The following DCAF6 variants were observed in gnomAD, a reference collection of about 807,000 sequenced individuals.
DCAF6 encodes the protein DDB1 and CUL4 associated factor 6, also known as DDB1- and CUL4-associated factor 6.
Under a neutral mutation model 125.1 loss-of-function variants are expected in DCAF6, and 54 were observed. The ratio of observed to expected loss-of-function variants is 0.43; its 90% confidence interval spans 0.35 to 0.54. DCAF6 has a LOEUF of 0.54. Ranked by LOEUF, DCAF6 falls within the 20% of genes least tolerant of loss-of-function variation. DCAF6 has a pLI of 0.01. For synonymous variants in DCAF6, 371 were observed against 390.4 expected (o/e 0.95, Z 0.58); for missense variants, 934 against 1,161.7 (o/e 0.80, Z 2.85).
intron 8 of DCAF6, 120 bp from the exon 9 acceptor site, chr1:168,003,750 T>C (rs1376975369): frequency 4.7e-6 from 4 of 842,950 alleles, no homozygotes; most frequent in Admixed American, 2.8e-5. Flanking sequence ...ACAATTTATT[T>C]AGGAAATTTG....
the DCAF6 span, chr1:167,904,535 A>G: frequency 6.0e-6 from 2 of 335,440 alleles, 1 homozygote; most frequent in East Asian, 1.2e-4. Context: ...CTGTACAGTG[A>G]TAACTGCAAC....
chr1:167,996,868 T>C (rs1681790360), intron 7 of DCAF6, among the ~76,000 whole-genome samples: 1 of 152,214 alleles, frequency 6.6e-6, no homozygotes, highest in Non-Finnish European at 1.5e-5. Context: ...TTATGTAACC[T>C]TCTTGGTGAA....
At chr1:167,927,347 A>AT in the DCAF6 span, among the ~76,000 whole-genome samples, 458 of 152,320 alleles carry the variant, frequency 3.0e-3, 3 homozygotes, top group Admixed American at 5.3e-3. Flanking sequence ...CTCTCTGGAA[A>AT]TTTAGGGTGA....
the DCAF6 span, among the ~76,000 whole-genome samples, chr1:167,913,542 A>T: frequency 6.6e-6 from 1 of 152,118 alleles, no homozygotes; most frequent in East Asian, 1.9e-4. Context: ...TTCCCATACA[A>T]ATATCCTTGA....
At chr1:167,943,693 G>A (rs890804273) in intron 1 of DCAF6, among the ~76,000 whole-genome samples, 1 of 151,984 alleles carries the variant, frequency 6.6e-6, no homozygotes, top group African/African-American at 2.4e-5. Context: ...ACTCCATTAT[G>A]TATCATTCCA....
intron 1 of DCAF6, among the ~76,000 whole-genome samples, chr1:167,947,859 T>C (rs1276822777): frequency 6.6e-6 from 1 of 152,212 alleles, no homozygotes; most frequent in Non-Finnish European, 1.5e-5. Flanking sequence ...TTGGATAGAA[T>C]GTTTTGTAAA....
At chr1:167,875,020 T>C in the DCAF6 span, 23 of 928,154 alleles carry the variant, frequency 2.5e-5, no homozygotes, top group Non-Finnish European at 3.7e-5. Context: ...ATGATGATTA[T>C]ATTTTCATTT....
intron 17 of DCAF6, chr1:168,056,545 A>C: frequency 2.4e-6 from 1 of 424,626 alleles, no homozygotes; most frequent in Non-Finnish European, 3.7e-6. Context: ...TTTTGAATGG[A>C]ATAATTTAAT....
intron 16 of DCAF6, among the ~76,000 whole-genome samples, chr1:168,047,152 G>A (rs1235342532): frequency 1.3e-5 from 2 of 151,896 alleles, no homozygotes; most frequent in Non-Finnish European, 2.9e-5. Flanking sequence ...GGGAGGGTGG[G>A]TCCTAGAGAA....
upstream of DCAF6, among the ~76,000 whole-genome samples, chr1:167,932,032 C>T (rs1670925967): frequency 6.6e-6 from 1 of 152,152 alleles, no homozygotes; most frequent in Admixed American, 6.5e-5. Context: ...AGCACTGCAA[C>T]AAGTTTCACA....
chr1:168,002,348 A>T (rs1007230341), intron 7 of DCAF6, 134 bp from the exon 8 acceptor site: 7 of 696,486 alleles, frequency 1.0e-5, no homozygotes, highest in African/African-American at 8.9e-5. Context: ...AGTGTCTTTC[A>T]TATTTTCATG....
chr1:168,029,912 G>A (rs1480404613), intron 12 of DCAF6, among the ~76,000 whole-genome samples: 2 of 152,028 alleles, frequency 1.3e-5, no homozygotes, highest in African/African-American at 2.4e-5. Flanking sequence ...CCCAGGAAGC[G>A]GAGCTTGCAG....
chr1:168,044,899 G>A lies in DCAF6; in HGVS notation c.1931-1G>A, dbSNP rs753544060. 5 of 1,612,322 alleles carry A rather than the reference G, an allele frequency of 3.1e-6. No homozygotes were observed. The highest frequency in any genetic ancestry group is 3.4e-6 in the Non-Finnish European group (4 of 1,179,328). ...TTACATACAACTTTATTTTCTGACA[G>A]CACAATCAGATAAGTTCACAGCCAA... On this transcript the variant is annotated splice_acceptor_variant, in intron 15 of 21. Transcript: ENST00000367840. LOFTEE classifies it high-confidence loss of function.
chr1:167,903,958 G>T, the DCAF6 span: 2 of 1,613,834 alleles, frequency 1.2e-6, no homozygotes, highest in Non-Finnish European at 8.5e-7. Flanking sequence ...CATGTACATG[G>T]CACTGCTGAA....
rs1693712903 is a variant in DCAF6, at chr1:168,075,622, A to G, written c.*187A>G. The G allele has an allele frequency of 2.0e-6, 1 of 509,852 alleles. No homozygotes were observed. Among genetic ancestry groups the G allele is most frequent in the Admixed American group, 4.0e-5 (1 of 25,266 alleles). The allele number at this position is 509,852 out of a possible 1,614,324, so 31.6% of individuals were successfully genotyped here. On this transcript the variant is annotated 3_prime_UTR_variant, in exon 22 of 22. Transcript: ENST00000367840. ...TGAATTTGGGAGATTGTATAAAACA[A>G]AACTAGCAGAATGTTTTTAAAACTT...
intron 2 of DCAF6, among the ~76,000 whole-genome samples, chr1:167,956,062 A>G (rs1674736286): frequency 6.6e-6 from 1 of 152,186 alleles, no homozygotes; most frequent in South Asian, 2.1e-4. Flanking sequence ...CGCTGTGCTT[A>G]GCTAAGAACA....
intron 21 of DCAF6, among the ~76,000 whole-genome samples, chr1:168,074,713 C>T (rs1693597904): frequency 6.6e-6 from 1 of 152,100 alleles, no homozygotes; most frequent in South Asian, 2.1e-4. Flanking sequence ...GGAAAAGTTT[C>T]ACCAAGGGTA....
chr1:167,949,262 C>CGAAAA (rs1673561069), intron 1 of DCAF6, among the ~76,000 whole-genome samples: 1 of 152,162 alleles, frequency 6.6e-6, no homozygotes. Flanking sequence ...GAAGATTCTT[C>CGAAAA]ATAGCTCTTT....
the DCAF6 span, among the ~76,000 whole-genome samples, chr1:167,872,857 A>G: frequency 1.1e-4 from 17 of 151,010 alleles, no homozygotes; most frequent in South Asian, 3.2e-3. Context: ...AGATCACGAG[A>G]TCAGGAGTTC....
Sources: gnomAD v4.1 joint callset for allele counts (sites outside exome capture counted in the v4.1 genomes callset) on GRCh38, gnomAD v4.1.1 for gene constraint, MANE v1.5 for transcripts, NCBI Gene and HGNC (gene_info 2026-07-23, HGNC 2026-07-21) for gene names.